Variants in STAG1 observed in about 807,000 individuals in gnomAD.
STAG1 encodes cohesin subunit SA-1.
Under a neutral mutation model 170.9 loss-of-function variants are expected in STAG1, and 26 were observed. The ratio of observed to expected loss-of-function variants is 0.15; its 90% confidence interval spans 0.11 to 0.21. The LOEUF is 0.21. Among genes scored for constraint, STAG1 ranks in the 10% least tolerant of loss-of-function variants. The probability of loss-of-function intolerance (pLI) is 1.00; values close to 1 mark genes in which losing one functional copy is unlikely to be tolerated. For synonymous variants in STAG1, 514 were observed against 497.7 expected, an observed-to-expected ratio of 1.03 and a Z score of -0.44; for missense variants, 964 against 1,509.5, an observed-to-expected ratio of 0.64 and a Z score of 5.99.
At chr3:136,390,653 T>C (rs150080071) in intron 22 of STAG1, among the ~76,000 whole-genome samples, 44 of 152,326 alleles carry the variant, frequency 2.9e-4, no homozygotes, top group African/African-American at 1.0e-3. Context: ...TACATGCGAC[T>C]AAAAATTTGT....
intron 4 of STAG1, among the ~76,000 whole-genome samples, chr3:136,601,268 A>T (rs1466106904): frequency 1.3e-5 from 2 of 152,240 alleles, no homozygotes; most frequent in Admixed American, 6.5e-5. Context: ...AAATAATAAA[A>T]ATCAGAAGGT....
At chr3:136,595,075 T>TC (rs1480627970) in intron 4 of STAG1, among the ~76,000 whole-genome samples, 5 of 152,172 alleles carry the variant, frequency 3.3e-5, no homozygotes, top group Admixed American at 1.3e-4. Context: ...AGCCCTATAG[T>TC]CCAACTTTTA....
chr3:136,680,658 C>T (rs1942302311), intron 1 of STAG1, among the ~76,000 whole-genome samples: 1 of 151,678 alleles, frequency 6.6e-6, no homozygotes, highest in Non-Finnish European at 1.5e-5. Context: ...TAAGCAGATA[C>T]ATCAAGATAT....
At chr3:136,737,371 G>A in intron 1 of STAG1, 1 of 352,706 alleles carries the variant, frequency 2.8e-6, no homozygotes, top group South Asian at 2.4e-5. Context: ...CAAAGTGCTG[G>A]GATTACAGGC....
chr3:136,519,912 T>C (rs1576556722), intron 7 of STAG1, among the ~76,000 whole-genome samples: 2 of 152,134 alleles, frequency 1.3e-5, no homozygotes, highest in Middle Eastern at 6.8e-3. Flanking sequence ...AAGATAAAAT[T>C]GGGTAAAATA....
In STAG1 at chr3:136,525,220, C is replaced by T. The variant is rs577045545; in HGVS notation, c.472-3803G>A. On this transcript the variant is annotated intron_variant, in intron 6 of 33. Coordinates refer to ENST00000383202, the MANE Select transcript of STAG1 (RefSeq NM_005862.3). ...GTGGAATTTGGCTGTGAATCCATCT[C>T]GTCCTGGACTTTTTTTGGTTGGTAG... 4.6e-5 allele frequency among the ~76,000 whole-genome samples: 7 copies of T among 152,196 alleles called. No individual in the cohort carries two copies. The East Asian group carries it at 5.8e-4, about 13-fold the overall frequency.
chr3:136,727,495 T>G (rs1933754257), intron 1 of STAG1, among the ~76,000 whole-genome samples: 1 of 152,230 alleles, frequency 6.6e-6, no homozygotes, highest in African/African-American at 2.4e-5. Context: ...TGGCTATGTA[T>G]TTAAAGCACC....
chr3:136,448,924 CA>C (rs879583463), intron 14 of STAG1, among the ~76,000 whole-genome samples: 72 of 144,202 alleles, frequency 5.0e-4, no homozygotes, highest in Non-Finnish European at 5.8e-4. Flanking sequence ...GACTCCATCC[CA>C]AAAAAAAAAG....
At chr3:136,462,480 A>G (rs565382055) in intron 13 of STAG1, among the ~76,000 whole-genome samples, 1 of 152,006 alleles carries the variant, frequency 6.6e-6, no homozygotes, top group Admixed American at 6.6e-5. Flanking sequence ...TGTGGGAGCT[A>G]AAAAAAAGAT....
chr3:136,624,938 G>T (rs1367157610), intron 2 of STAG1, among the ~76,000 whole-genome samples: 1 of 152,124 alleles, frequency 6.6e-6, no homozygotes, highest in Non-Finnish European at 1.5e-5. Context: ...GATGAATTTT[G>T]AGTATTTACT....
At chr3:136,521,048 T>C (rs1934646199) in intron 7 of STAG1, among the ~76,000 whole-genome samples, 165 bp downstream of exon 7, 1 of 152,112 alleles carries the variant, frequency 6.6e-6, no homozygotes, top group Admixed American at 6.5e-5. Flanking sequence ...CTTAAGGCTA[T>C]CAAATGCCAG....
chr3:136,504,942 A>T (rs1372445404), intron 7 of STAG1, among the ~76,000 whole-genome samples: 2 of 152,204 alleles, frequency 1.3e-5, no homozygotes, highest in Non-Finnish European at 2.9e-5. Flanking sequence ...GTTAAAAATG[A>T]TCAATATATC....
intron 21 of STAG1, among the ~76,000 whole-genome samples, chr3:136,407,484 CAG>C (rs1225314909): frequency 6.6e-6 from 1 of 151,964 alleles, no homozygotes; most frequent in Non-Finnish European, 1.5e-5. Flanking sequence ...TTTCTTGAGA[CAG>C]AGTCTCACTC....
At chr3:136,517,866 T>C (rs920684765) in intron 7 of STAG1, among the ~76,000 whole-genome samples, 4 of 151,968 alleles carry the variant, frequency 2.6e-5, no homozygotes, top group Admixed American at 2.6e-4. Context: ...ATGGGCCAAA[T>C]AACTAGGACA....
At chr3:136,570,607 C>T (rs1937237331) in intron 4 of STAG1, among the ~76,000 whole-genome samples, 1 of 152,190 alleles carries the variant, frequency 6.6e-6, no homozygotes, top group African/African-American at 2.4e-5. Context: ...TAATGCCAAA[C>T]AATTTCTCAT....
rs546913355 is a variant in STAG1 at position 136,448,352 on chromosome 3, C to T, written c.1428+3681G>A. On this transcript the variant is annotated intron_variant, in intron 14 of 33. Transcript: ENST00000383202. ...AAGGGAAAGAGATTTAATGGACTCA[C>T]AAAACAGATCCACATGACCGGGGAC... 2.0e-5 allele frequency among the ~76,000 whole-genome samples: 3 copies of T among 152,164 alleles called. No individual in the cohort carries two copies. In the South Asian group the frequency reaches 6.2e-4, roughly 32 times the overall value.
intron 6 of STAG1, among the ~76,000 whole-genome samples, chr3:136,538,672 G>A (rs1935756453): frequency 6.6e-6 from 1 of 151,906 alleles, no homozygotes; most frequent in African/African-American, 2.4e-5. Context: ...CACCCACCTT[G>A]GTCTCCCAAA....
chr3:136,745,077 G>C (rs187261879), intron 1 of STAG1, among the ~76,000 whole-genome samples: 212 of 152,316 alleles, frequency 1.4e-3, no homozygotes, highest in Non-Finnish European at 2.4e-3. Context: ...GTGTGGATGT[G>C]TGTGTTTGTA....
chr3:136,534,210 G>T (rs1056307246), intron 6 of STAG1, among the ~76,000 whole-genome samples: 2 of 152,126 alleles, frequency 1.3e-5, no homozygotes, highest in Admixed American at 6.5e-5. Flanking sequence ...TCCATATGCA[G>T]AAGAATGAAT....
Sources: gnomAD v4.1 joint callset for allele counts (sites outside exome capture counted in the v4.1 genomes callset) on GRCh38, gnomAD v4.1.1 for gene constraint, MANE v1.5 for transcripts, NCBI Gene and HGNC (gene_info 2026-07-23, HGNC 2026-07-21) for gene names.